CHST12: variants seen among roughly 807,000 people sequenced by gnomAD.
The protein encoded by CHST12 is carbohydrate (chondroitin 4) sulfotransferase 12.
In CHST12, 23 loss-of-function variants were observed where a neutral mutation model predicts 27.9. That is an observed-to-expected ratio of 0.82 (90% CI 0.59 to 1.17). The LOEUF is 1.17. Ranked by LOEUF, CHST12 falls within the 50% of genes most tolerant of loss-of-function variation. CHST12 has a pLI of 0.00. For synonymous variants in CHST12, 322 were observed against 273.0 expected (o/e 1.18, Z -1.77); for missense variants, 682 against 603.0 (o/e 1.13, Z -1.37).
rs990539944 is a variant in CHST12 at position 2,435,483 on chromosome 7, G to C, written c.*1599G>C. The C allele has an allele frequency of 1.3e-5, 2 of 152,234 alleles. No homozygotes were observed. The highest frequency in any genetic ancestry group is 2.9e-5 in the Non-Finnish European group (2 of 68,070). 9.4% of individuals were successfully genotyped at this position (152,234 alleles called of 1,614,324 possible). On this transcript the variant is annotated 3_prime_UTR_variant, in exon 2 of 2. Transcript: ENST00000618655. The stretch of plus-strand genomic sequence containing the variant: ...GGGCCCTGTCTTGATAAAAGTGTCA[G>C]AGGAGGCTCTGGAAACATCTGGCTG...
chr7:2,416,887 C>T (rs901584803), intron 1 of CHST12, among the ~76,000 whole-genome samples: 2 of 152,192 alleles, frequency 1.3e-5, no homozygotes, highest in Non-Finnish European at 2.9e-5. Flanking sequence ...ACGCCTTCTC[C>T]GCACAGTAAA....
At chr7:2,405,242 C>T (rs892769202) in intron 1 of CHST12, among the ~76,000 whole-genome samples, 3 of 151,962 alleles carry the variant, frequency 2.0e-5, no homozygotes, top group East Asian at 3.9e-4. Context: ...GTCAGGAGTC[C>T]GAGACCAGCC....
chr7:2,405,703 G>A (rs1781506392), intron 1 of CHST12, among the ~76,000 whole-genome samples: 3 of 152,118 alleles, frequency 2.0e-5, no homozygotes, highest in African/African-American at 4.8e-5. Flanking sequence ...GGGCGGTGGC[G>A]CTTTGTGAGA....
chr7:2,426,390 G>GT (rs1320151213), intron 1 of CHST12, among the ~76,000 whole-genome samples: 2 of 152,176 alleles, frequency 1.3e-5, no homozygotes, highest in Non-Finnish European at 2.9e-5. Flanking sequence ...CCCCAGCTAT[G>GT]TGAGTGAGAG....
rs540084839 is a variant in CHST12, at chr7:2,415,618, C to CTT, written c.-78+11958_-78+11959dup. ...GCTATGGCAATTTCTTTTCTTTTTTCTTTTTTTTTTTTTTGAGGCAGAGTC... is the reference window on the plus strand; with the variant it reads ...GCTATGGCAATTTCTTTTCTTTTTTCTTTTTTTTTTTTTTTTGAGGCAGAGTC... On this transcript the variant is annotated intron_variant, in intron 1 of 1. Coordinates refer to ENST00000618655, the MANE Select transcript of CHST12 (RefSeq NM_018641.5). Among the ~76,000 whole-genome samples, 536 of 140,788 alleles carry CTT rather than the reference C, an allele frequency of 3.8e-3. 1 individual carries two copies. Among genetic ancestry groups the CTT allele is most frequent in the African/African-American group, 0.013 (490 of 38,756 alleles). The allele number at this position is 140,788 out of a possible 152,430, so 92.4% of individuals were successfully genotyped here.
chr7:2,421,656 C>T (rs1427903904), intron 1 of CHST12, among the ~76,000 whole-genome samples: 1 of 152,060 alleles, frequency 6.6e-6, no homozygotes, highest in Non-Finnish European at 1.5e-5. Context: ...AGGCTGTCCT[C>T]AAACTCCTGA....
rs1208112908 is a variant in CHST12, at chr7:2,437,180, C to T, written c.*3296C>T. 4 of 152,264 alleles carry T rather than the reference C, an allele frequency of 2.6e-5. No individual in the cohort carries two copies. Among genetic ancestry groups the T allele is most frequent in the African/African-American group, 9.6e-5 (4 of 41,464 alleles). 9.4% of individuals were successfully genotyped at this position (152,264 alleles called of 1,614,324 possible). On this transcript the variant is annotated 3_prime_UTR_variant, in exon 2 of 2. Coordinates refer to ENST00000618655, the MANE Select transcript of CHST12 (RefSeq NM_018641.5). ...TTTTACCCTGTTGGCCCCCATCCTC[C>T]AGCTGTGTCCACACTTTGAGCACAG... is the stretch of plus-strand genomic sequence containing the variant.
At chr7:2,418,480 T>G (rs2115407276) in intron 1 of CHST12, among the ~76,000 whole-genome samples, 1 of 152,358 alleles carries the variant, frequency 6.6e-6, no homozygotes, top group South Asian at 2.1e-4. Context: ...TCTGTTCATC[T>G]GAGATGCCTC....
intron 1 of CHST12, among the ~76,000 whole-genome samples, chr7:2,404,551 T>A (rs1781472363): frequency 6.6e-6 from 1 of 152,248 alleles, no homozygotes; most frequent in Non-Finnish European, 1.5e-5. Context: ...TGTTCCCGGC[T>A]GTGGGTGGTT....
chr7:2,403,687 C>T lies in CHST12; in HGVS notation c.-78+14C>T. 1 of 144,536 alleles carries T rather than the reference C, an allele frequency of 6.9e-6. No homozygotes were observed. Among genetic ancestry groups the T allele is most frequent in the Non-Finnish European group, 1.5e-5 (1 of 65,362 alleles). 9.0% of individuals were successfully genotyped at this position (144,536 alleles called of 1,614,324 possible). On this transcript the variant is annotated intron_variant, in intron 1 of 1. Coordinates refer to ENST00000618655, the MANE Select transcript of CHST12 (RefSeq NM_018641.5). ...GAGGGTCGCGAGGTGAGGGGCGCGG[C>T]GGGCGGCGGGCTCGGGGCGCGGTCT... is the stretch of plus-strand genomic sequence containing the variant.
Position 2,442,517 on chromosome 7 carries a change from C to G in CHST12, c.*8633C>G, listed in dbSNP as rs1583234599. ...TAGCTGGGACTACAGGTGCCCACCACCACGCCTGGCTAATTTTTTGTATTT... is the reference window on the plus strand; with the variant it reads ...TAGCTGGGACTACAGGTGCCCACCAGCACGCCTGGCTAATTTTTTGTATTT... On this transcript the variant is annotated 3_prime_UTR_variant, in exon 2 of 2. Coordinates refer to ENST00000618655, the MANE Select transcript of CHST12 (RefSeq NM_018641.5). The G allele has an allele frequency of 6.6e-6, 1 of 152,298 alleles. No individual in the cohort carries two copies. The highest frequency in any genetic ancestry group is 1.9e-4 in the East Asian group (1 of 5,190). 9.4% of individuals were successfully genotyped at this position (152,298 alleles called of 1,614,324 possible).
At chr7:2,428,933 G>T (rs1458799286) in intron 1 of CHST12, among the ~76,000 whole-genome samples, 3 of 152,180 alleles carry the variant, frequency 2.0e-5, no homozygotes, top group Non-Finnish European at 2.9e-5. Flanking sequence ...GTGGCAAGAT[G>T]AGGGCGTTTA....
At chr7:2,428,488 T>C (rs1410139885) in intron 1 of CHST12, among the ~76,000 whole-genome samples, 3 of 152,146 alleles carry the variant, frequency 2.0e-5, no homozygotes, top group Admixed American at 2.0e-4. Flanking sequence ...CACAAGACAG[T>C]GAAAGCTGGG....
At chr7:2,418,637 A>C (rs1257534480) in intron 1 of CHST12, among the ~76,000 whole-genome samples, 1 of 152,238 alleles carries the variant, frequency 6.6e-6, no homozygotes, top group Non-Finnish European at 1.5e-5. Context: ...AGGTGGGATC[A>C]TGACCGCAGT....
rs1236301277 is a variant in CHST12, at chr7:2,434,122, CCGCT to C, written c.*242_*245del. The stretch of plus-strand genomic sequence containing the variant: ...CCCCTCCGCCCGCCCACCCGCCCGC[CCGCT>C]CGCCCGCTCGCCCGCTCCTGTGGTT... On this transcript the variant is annotated 3_prime_UTR_variant, in exon 2 of 2. Transcript: ENST00000618655. The C allele has an allele frequency of 3.5e-4, 122 of 346,222 alleles. 2 individuals carry two copies. Among genetic ancestry groups the C allele is most frequent in the East Asian group, 2.2e-3 (40 of 18,508 alleles). The allele number at this position is 346,222 out of a possible 1,614,324, so 21.4% of individuals were successfully genotyped here.
intron 1 of CHST12, among the ~76,000 whole-genome samples, chr7:2,409,821 C>T (rs534547703): frequency 1.3e-5 from 2 of 152,312 alleles, no homozygotes; most frequent in East Asian, 1.9e-4. Context: ...TGGCGGCCCT[C>T]GCCTGCCTCT....
intron 1 of CHST12, among the ~76,000 whole-genome samples, chr7:2,410,069 G>T (rs1362392515): frequency 6.6e-6 from 1 of 152,056 alleles, no homozygotes; most frequent in Non-Finnish European, 1.5e-5. Context: ...GGCCTGAGCC[G>T]CCACGCCCGG....
At chr7:2,408,293 C>G (rs138548547) in intron 1 of CHST12, among the ~76,000 whole-genome samples, 1 of 140,868 alleles carries the variant, frequency 7.1e-6, no homozygotes, top group African/African-American at 2.7e-5. Context: ...ACCTGGGAGG[C>G]GGAGGTAACG....
chr7:2,434,114 CCGCCCGCCCGCTCGCCCGCT>C lies in CHST12; in HGVS notation c.*238_*257del, dbSNP rs1442577213. On this transcript the variant is annotated 3_prime_UTR_variant, in exon 2 of 2. Coordinates refer to ENST00000618655, the MANE Select transcript of CHST12 (RefSeq NM_018641.5). ...TCCCCTCTCCCCTCCGCCCGCCCAC[CCGCCCGCCCGCTCGCCCGCT>C]CGCCCGCTCCTGTGGTTTTTCTGAG... The C allele has an allele frequency of 5.2e-6, 2 of 384,132 alleles. No homozygotes were observed. Among genetic ancestry groups the C allele is most frequent in the Non-Finnish European group, 9.5e-6 (2 of 211,018 alleles). 23.8% of individuals were successfully genotyped at this position (384,132 alleles called of 1,614,324 possible). A position where few individuals can be genotyped will look rare whatever the true frequency, so the allele number is the denominator to read the frequency against.
Sources: allele counts gnomAD v4.1 joint callset (sites outside exome capture counted in the v4.1 genomes callset), GRCh38; gene constraint gnomAD v4.1.1; transcripts MANE v1.5; gene names NCBI Gene and HGNC (gene_info 2026-07-23, HGNC 2026-07-21).